The following GPRC5B variants were observed in gnomAD, a reference collection of about 807,000 sequenced individuals.
GPRC5B encodes G protein-coupled receptor class C group 5 member B.
In GPRC5B, 16 loss-of-function variants were observed where a neutral mutation model predicts 30.1. That is an observed-to-expected ratio of 0.53 (90% confidence interval 0.36 to 0.81). The LOEUF is 0.81. GPRC5B is among the 30% of genes least tolerant of loss of function. The pLI is 0.01. For missense variants in GPRC5B, 428 were observed against 544.7 expected (o/e 0.79, Z 2.13); for synonymous variants, 241 against 239.5 (o/e 1.01, Z -0.06).
chr16:19,882,783 T>C (rs1458900149), intron 1 of GPRC5B, among the ~76,000 whole-genome samples: 1 of 152,148 alleles, frequency 6.6e-6, no homozygotes, highest in Non-Finnish European at 1.5e-5. Context: ...GATCATGATC[T>C]GGCTGGTCCC....
In GPRC5B at chr16:19,872,989, G is replaced by T. The variant is rs1173682135; in HGVS notation, c.-1-143C>A. On this transcript the variant is annotated intron_variant, in intron 1 of 3. Transcript: ENST00000300571. This position sits in a 1 kb window ranked among gnomAD's most constrained non-coding sequence, Gnocchi z 5.0. ...GGCACCTTTGCACACATAGGAAAAC[G>T]TGCTCCTTTCCTCAGGCACGGAGGT... is the stretch of plus-strand genomic sequence containing the variant. The T allele has an allele frequency of 3.1e-6, 2 of 636,460 alleles. No individual in the cohort carries two copies. Among genetic ancestry groups the T allele is most frequent in the Admixed American group, 2.8e-5 (1 of 35,224 alleles). The allele number at this position is 636,460 out of a possible 1,614,324, so 39.4% of individuals were successfully genotyped here. A position where few individuals can be genotyped will look rare whatever the true frequency, so the allele number is the denominator to read the frequency against.
At chr16:19,884,139 G>T (rs888701644) in intron 1 of GPRC5B, among the ~76,000 whole-genome samples, 2 of 93,628 alleles carry the variant, frequency 2.1e-5, no homozygotes, top group South Asian at 6.7e-4. Context: ...CCCGTCATTC[G>T]TCCCCAGCCC....
chr16:19,880,414 C>T (rs2056797123), intron 1 of GPRC5B, among the ~76,000 whole-genome samples: 1 of 40,394 alleles, frequency 2.5e-5, no homozygotes, highest in Admixed American at 2.8e-4. Context: ...CATAGCAAGA[C>T]TCTGTCTCTG....
chr16:19,858,650 AC>A lies in GPRC5B; in HGVS notation c.*1849del. ...ACCGGGTCCGCATGCAACCGCCCCC[AC>A]CCCCACCCCAGGTCCTAGCTTCATT... On this transcript the variant is annotated 3_prime_UTR_variant, in exon 4 of 4. Coordinates refer to ENST00000300571, the MANE Select transcript of GPRC5B (RefSeq NM_016235.3). The A allele has an allele frequency of 4.1e-6, 2 of 489,310 alleles. No homozygotes were observed. 30.3% of individuals were successfully genotyped at this position (489,310 alleles called of 1,614,324 possible).
In GPRC5B at chr16:19,857,312, C is replaced by T. The variant is rs1450516176; in HGVS notation, c.*3188G>A. ...ACACGTCTTAAGTAAATAGTAAAGC[C>T]TTTATTTTTGTGTTAAGAACAGCAT... is the stretch of plus-strand genomic sequence containing the variant. On this transcript the variant is annotated 3_prime_UTR_variant, in exon 4 of 4. Coordinates refer to ENST00000300571, the MANE Select transcript of GPRC5B (RefSeq NM_016235.3). The T allele has an allele frequency of 2.7e-6, 1 of 370,870 alleles. No individual in the cohort carries two copies. The highest frequency in any genetic ancestry group is 5.1e-6 in the Non-Finnish European group (1 of 197,562). 23.0% of individuals were successfully genotyped at this position (370,870 alleles called of 1,614,324 possible).
In GPRC5B at chr16:19,872,715, TGAGG is replaced by T; in HGVS notation, c.127_130del (p.Pro43SerfsTer25). 1 of 1,613,934 alleles carries T rather than the reference TGAGG, an allele frequency of 6.2e-7. No homozygotes were observed. Among genetic ancestry groups the T allele is most frequent in the Non-Finnish European group, 8.5e-7 (1 of 1,180,040 alleles). ...GTCCAGGTCGCACAGGGACACGTACTGAGGGAGGAGGTCCAGCCCACAGCCTCGG... is the reference window on the plus strand; with the variant it reads ...GTCCAGGTCGCACAGGGACACGTACTGAGGAGGTCCAGCCCACAGCCTCGG... On this transcript the variant is annotated frameshift_variant, in exon 2 of 4. Transcript: ENST00000300571. LOFTEE classifies it high-confidence loss of function. This position sits in a 1 kb window ranked among gnomAD's most constrained non-coding sequence, Gnocchi z 5.0.
At chr16:19,879,210 C>T (rs988214689) in intron 1 of GPRC5B, among the ~76,000 whole-genome samples, 19 of 151,904 alleles carry the variant, frequency 1.3e-4, no homozygotes, top group Non-Finnish European at 2.6e-4. Flanking sequence ...TCGAGTCAGC[C>T]TCGAGGCAGG....
At chr16:19,884,683 G>T in intron 1 of GPRC5B, 44 bp downstream of exon 1, 1 of 984,740 alleles carries the variant, frequency 1.0e-6, no homozygotes, top group Non-Finnish European at 1.2e-6. Flanking sequence ...AGTTTCTGGG[G>T]TCCCCACAGC....
intron 2 of GPRC5B, among the ~76,000 whole-genome samples, chr16:19,865,539 G>A (rs1055154152): frequency 9.2e-5 from 14 of 152,132 alleles, no homozygotes; most frequent in South Asian, 8.3e-4. Flanking sequence ...ACTTAAAGTC[G>A]CAGTTTACAA....
At position 19,871,996 on chromosome 16, in the gene GPRC5B, C is replaced by T. The variant is rs202072367; in HGVS notation, c.850G>A (p.Val284Ile). 130 of 1,614,060 alleles carry T rather than the reference C, an allele frequency of 8.1e-5. No homozygotes were observed. The highest frequency in any genetic ancestry group is 3.3e-4 in the Admixed American group (20 of 60,016). Residue 284 changes from valine (V) to isoleucine (I), a missense_variant, in exon 2 of 4, where the codon GTC becomes ATC. Physicochemically the swap from Val to Ile is conservative, Grantham distance 29. This residue lies in a region of GPRC5B where 213 missense variants were observed against 229.1 expected (regional missense o/e 0.93). Transcript: ENST00000300571. ...ATCTCAGGGATGGCGTGGAAGATGACGAAGACCCAGCCGCTGGCCGCCAGC... is the reference window on the plus strand; with the variant it reads ...ATCTCAGGGATGGCGTGGAAGATGATGAAGACCCAGCCGCTGGCCGCCAGC... ...ITLAASGWVF[V>I]IFHAIPEIHC...
In GPRC5B at chr16:19,859,891, G is replaced by T; in HGVS notation, c.*609C>A. On this transcript the variant is annotated 3_prime_UTR_variant, in exon 4 of 4. Coordinates refer to ENST00000300571, the MANE Select transcript of GPRC5B (RefSeq NM_016235.3). ...GGGCCTCTTCTTTGGCACATGCCAG[G>T]GTCCCTCCACCTCTACTGGCTATAA... 1 of 152,938 alleles carries T rather than the reference G, an allele frequency of 6.5e-6. No homozygotes were observed. Among genetic ancestry groups the T allele is most frequent in the Non-Finnish European group, 1.5e-5 (1 of 68,250 alleles). 9.5% of individuals were successfully genotyped at this position (152,938 alleles called of 1,614,324 possible). A position where few individuals can be genotyped will look rare whatever the true frequency, so the allele number is the denominator to read the frequency against.
At position 19,856,806 on chromosome 16, in the gene GPRC5B, G is replaced by C. The variant is rs978683341; in HGVS notation, c.*3694C>G. 1.4e-5 allele frequency: 6 copies of C among 443,408 alleles called. No homozygotes were observed. Among genetic ancestry groups the C allele is most frequent in the South Asian group, 6.3e-5 (2 of 31,944 alleles). 27.5% of individuals were successfully genotyped at this position (443,408 alleles called of 1,614,324 possible). ...CCAGATTACTTCTTCAGTGCCTCAG[G>C]AGTATTCTTCTACACCAGCTGCTGT... On this transcript the variant is annotated 3_prime_UTR_variant, in exon 4 of 4. Coordinates refer to ENST00000300571, the MANE Select transcript of GPRC5B (RefSeq NM_016235.3).
intron 1 of GPRC5B, among the ~76,000 whole-genome samples, chr16:19,880,579 C>A (rs754487888): frequency 4.6e-5 from 7 of 152,150 alleles, no homozygotes; most frequent in Non-Finnish European, 7.4e-5. Flanking sequence ...GAAGGGGAGA[C>A]CCTCTTGGGG....
rs1434186641 is a variant in GPRC5B at position 19,879,501 on chromosome 16, G to A, written c.-2+5226C>T. Reference sequence around the variant, plus strand: ...AGGGGCCAGAAGCAGCTAGCAGGTGGAGGAACAGCACACTCTATCTCTCCA... The same window carrying A: ...AGGGGCCAGAAGCAGCTAGCAGGTGAAGGAACAGCACACTCTATCTCTCCA... On this transcript the variant is annotated intron_variant, in intron 1 of 3. Coordinates refer to ENST00000300571, the MANE Select transcript of GPRC5B (RefSeq NM_016235.3). Among the ~76,000 whole-genome samples the A allele has an allele frequency of 3.4e-5, 5 of 148,420 alleles. No individual in the cohort carries two copies. In the East Asian group the frequency reaches 9.7e-4, roughly 29 times the overall value.
chr16:19,884,669 G>A (rs2056837120), intron 1 of GPRC5B, 58 bp downstream of exon 1: 2 of 983,044 alleles, frequency 2.0e-6, no homozygotes, highest in African/African-American at 1.7e-5. Flanking sequence ...TCCACGGCGG[G>A]AAAAGTTTCT....
chr16:19,869,748 C>T (rs887782182), intron 2 of GPRC5B, among the ~76,000 whole-genome samples: 1 of 152,102 alleles, frequency 6.6e-6, no homozygotes, highest in Non-Finnish European at 1.5e-5. Context: ...TACTTATCCA[C>T]CCCAGTCACC....
At position 19,872,756 on chromosome 16, in the gene GPRC5B, G is replaced by A. The variant is rs371263916; in HGVS notation, c.90C>T (p.Asn30=). 4.5e-5 allele frequency: 72 copies of A among 1,613,548 alleles called. No homozygotes were observed. The Middle Eastern group carries it at 4.9e-4, about 11-fold the overall frequency. Residue 30 remains asparagine (N), a synonymous_variant, in exon 2 of 4, where the codon AAC becomes AAT. Transcript: ENST00000300571. This position sits in a 1 kb window ranked among gnomAD's most constrained non-coding sequence, Gnocchi z 5.0. ...LFVITSVASE[N]ASTSRGCGLD... ...GCCCACAGCCTCGGGATGTGCTGGC[G>A]TTTTCAGAGGCCACCGAGGTGATCA...
At chr16:19,885,278 A>G (rs766974772), upstream of GPRC5B, 5 of 1,280,696 alleles carry the variant, frequency 3.9e-6, no homozygotes, top group South Asian at 6.2e-5. This position sits in a 1 kb window ranked among gnomAD's most constrained non-coding sequence, Gnocchi z 5.3. Flanking sequence ...AGGGGGGTTC[A>G]TAAGCAGTAA....
rs1240627398 is a variant in GPRC5B at position 19,858,407 on chromosome 16, G to A, written c.*2093C>T. On this transcript the variant is annotated 3_prime_UTR_variant, in exon 4 of 4. Transcript: ENST00000300571. ...ATGCTGGGGAAGCACGACTTTCCAT[G>A]GCAGCCATTTGTGCTGTGCTCACCT... 1 of 498,088 alleles carries A rather than the reference G, an allele frequency of 2.0e-6. No individual in the cohort carries two copies. The highest frequency in any genetic ancestry group is 2.0e-5 in the African/African-American group (1 of 51,004). The allele number at this position is 498,088 out of a possible 1,614,324, so 30.9% of individuals were successfully genotyped here.
Sources: gnomAD v4.1 joint callset for allele counts (sites outside exome capture counted in the v4.1 genomes callset) on GRCh38, gnomAD v4.1.1 for gene constraint, gnomAD v4.1.1 regional missense constraint, Gnocchi (gnomAD v3.1) non-coding constraint, MANE v1.5 for transcripts, NCBI Gene and HGNC (gene_info 2026-07-23, HGNC 2026-07-21) for gene names.